The following LPAR1 variants were observed in gnomAD, a reference collection of about 807,000 sequenced individuals.
LPAR1 encodes lysophosphatidic acid receptor 1.
In LPAR1, 5 loss-of-function variants were observed where a neutral mutation model predicts 23.8. The ratio of observed to expected loss-of-function variants is 0.21; its 90% CI spans 0.11 to 0.44. The LOEUF (loss-of-function observed/expected upper bound fraction) is 0.44, where lower values mean the gene tolerates loss of function less well. Ranked by LOEUF, LPAR1 falls within the 20% of genes least tolerant of loss-of-function variation. The pLI is 0.99. For missense variants in LPAR1, 311 were observed against 482.8 expected, an observed-to-expected ratio of 0.64 and a Z score of 3.33; for synonymous variants, 160 against 164.7, an observed-to-expected ratio of 0.97 and a Z score of 0.22.
chr9:110,961,236 T>C (rs932339144), intron 4 of LPAR1, among the ~76,000 whole-genome samples: 7 of 147,374 alleles, frequency 4.7e-5, no homozygotes, highest in Admixed American at 4.1e-4. Context: ...AAAAGCCAAA[T>C]GTGGTCCTAA....
At chr9:110,898,978 C>T (rs2087589875) in intron 5 of LPAR1, among the ~76,000 whole-genome samples, 1 of 152,136 alleles carries the variant, frequency 6.6e-6, no homozygotes, top group African/African-American at 2.4e-5. Flanking sequence ...TTGATAAATA[C>T]CAAAAACCTG....
At chr9:110,983,074 G>A (rs1222818963) in intron 2 of LPAR1, among the ~76,000 whole-genome samples, 1 of 151,950 alleles carries the variant, frequency 6.6e-6, no homozygotes, top group Non-Finnish European at 1.5e-5. Context: ...ACCAAAAATG[G>A]TACAATCACT....
In LPAR1 at chr9:110,885,375, TG is replaced by T. The variant is rs1010590012; in HGVS notation, c.794-9654del. Reference sequence around the variant, plus strand: ...ACTGCCACCAAAGTCAGCTTTTCCCTGTACCTAAAACATTTAGCCATGCCCT... The same window carrying T: ...ACTGCCACCAAAGTCAGCTTTTCCCTTACCTAAAACATTTAGCCATGCCCT... On this transcript the variant is annotated intron_variant, in intron 5 of 5. Transcript: ENST00000683809. Among the ~76,000 whole-genome samples the T allele has an allele frequency of 6.6e-5, 10 of 152,342 alleles. No individual in the cohort carries two copies. In the South Asian group the frequency reaches 1.0e-3, roughly 16 times the overall value.
chr9:110,879,575 G>A (rs1164564655), intron 5 of LPAR1, among the ~76,000 whole-genome samples: 1 of 152,110 alleles, frequency 6.6e-6, no homozygotes, highest in Non-Finnish European at 1.5e-5. Context: ...CTCAACCCTA[G>A]CCACACATTA....
intron 5 of LPAR1, among the ~76,000 whole-genome samples, chr9:110,924,465 G>A (rs1311529051): frequency 6.6e-6 from 1 of 151,768 alleles, no homozygotes; most frequent in Non-Finnish European, 1.5e-5. Flanking sequence ...TAATATTTTG[G>A]TTAATTATGG....
chr9:110,969,278 C>A (rs1564198064), intron 4 of LPAR1, among the ~76,000 whole-genome samples: 1 of 152,194 alleles, frequency 6.6e-6, no homozygotes, highest in East Asian at 1.9e-4. Context: ...GTACCATATA[C>A]TTCTCCCTAA....
intron 5 of LPAR1, among the ~76,000 whole-genome samples, chr9:110,910,933 G>A (rs570368824): frequency 6.6e-6 from 1 of 152,332 alleles, no homozygotes; most frequent in South Asian, 2.1e-4. Flanking sequence ...GGTCTCTGGA[G>A]ATAGAATATA....
At chr9:110,892,305 T>C (rs7854710) in intron 5 of LPAR1, among the ~76,000 whole-genome samples, 41,289 of 151,976 alleles carry the variant, frequency 0.27, 8,590 homozygotes, top group African/African-American at 0.59. Context: ...GAGGAAGAGG[T>C]TGACCAACAC....
chr9:111,022,759 AC>A (rs2097581896), intron 2 of LPAR1, among the ~76,000 whole-genome samples: 2 of 152,080 alleles, frequency 1.3e-5, no homozygotes, highest in African/African-American at 4.8e-5. Context: ...CCTTCAAAAA[AC>A]CCTGCTATTG....
chr9:110,970,444 G>A (rs2096379886), intron 4 of LPAR1, among the ~76,000 whole-genome samples: 1 of 152,056 alleles, frequency 6.6e-6, no homozygotes, highest in Admixed American at 6.5e-5. Context: ...AAAGGACAAT[G>A]GTCCACTTAC....
chr9:110,945,545 A>G (rs1330985655), intron 4 of LPAR1: 1 of 152,246 alleles, frequency 6.6e-6, no homozygotes, highest in African/African-American at 2.4e-5. Flanking sequence ...TGAAGACAAA[A>G]GAAATCAGTA....
chr9:110,939,816 C>T (rs1350120155), intron 5 of LPAR1, among the ~76,000 whole-genome samples: 2 of 152,058 alleles, frequency 1.3e-5, no homozygotes, highest in Non-Finnish European at 2.9e-5. Context: ...TAGCACTTGT[C>T]GTAATAGAAA....
intron 5 of LPAR1, among the ~76,000 whole-genome samples, chr9:110,898,578 G>C (rs1564403615): frequency 6.6e-6 from 1 of 152,180 alleles, no homozygotes; most frequent in African/African-American, 2.4e-5. Context: ...AAGGGTCATC[G>C]GGTTTACAGC....
At chr9:110,933,338 G>T (rs912604328) in intron 5 of LPAR1, among the ~76,000 whole-genome samples, 5 of 152,110 alleles carry the variant, frequency 3.3e-5, no homozygotes, top group African/African-American at 1.2e-4. Context: ...GAAAGGGAAA[G>T]AAAAAGGAGG....
chr9:110,925,524 A>C (rs555511762), intron 5 of LPAR1, among the ~76,000 whole-genome samples: 2 of 152,326 alleles, frequency 1.3e-5, no homozygotes, highest in East Asian at 3.9e-4. Flanking sequence ...CTGGATAAAT[A>C]TACAAACTAA....
chr9:110,991,624 T>TTGTTGTTG (rs1564275750), intron 2 of LPAR1, among the ~76,000 whole-genome samples: 16 of 148,674 alleles, frequency 1.1e-4, no homozygotes, highest in African/African-American at 3.0e-4. Context: ...TGTTGTTGTT[T>TTGTTGTTG]TTTGGGACAG....
At chr9:111,027,532 A>T (rs1208532123) in intron 2 of LPAR1, among the ~76,000 whole-genome samples, 1 of 137,614 alleles carries the variant, frequency 7.3e-6, no homozygotes, top group African/African-American at 2.6e-5. Flanking sequence ...TATTTTGGGG[A>T]AACAGCAGAA....
At chr9:111,029,061 C>G (rs1447106212) in intron 2 of LPAR1, among the ~76,000 whole-genome samples, 2 of 152,166 alleles carry the variant, frequency 1.3e-5, no homozygotes, top group Non-Finnish European at 2.9e-5. Context: ...TGCTTGATAA[C>G]CGATAAAACT....
At chr9:110,970,712 C>G (rs549335929) in intron 4 of LPAR1, among the ~76,000 whole-genome samples, 16 of 152,234 alleles carry the variant, frequency 1.1e-4, no homozygotes, top group African/African-American at 3.9e-4. Flanking sequence ...ACACAAACCC[C>G]TACTTAAAAT....
Sources: allele counts gnomAD v4.1 joint callset (sites outside exome capture counted in the v4.1 genomes callset), GRCh38; gene constraint gnomAD v4.1.1; transcripts MANE v1.5; gene names NCBI Gene and HGNC (gene_info 2026-07-23, HGNC 2026-07-21).